The following PRCC variants were observed in gnomAD, a reference collection of about 807,000 sequenced individuals.
PRCC encodes proline-rich protein PRCC.
A neutral mutation model predicts 44.0 loss-of-function variants in PRCC; 10 were observed. The ratio of observed to expected loss-of-function variants is 0.23; its 90% confidence interval spans 0.14 to 0.39. The LOEUF (loss-of-function observed/expected upper bound fraction) is 0.39. PRCC is among the 10% of genes least tolerant of loss of function. PRCC has a pLI of 1.00. For synonymous variants in PRCC, 278 were observed against 259.5 expected (o/e 1.07, Z -0.69); for missense variants, 573 against 624.7 (o/e 0.92, Z 0.88).
At chr1:156,774,876 G>A (rs992769972) in intron 1 of PRCC, among the ~76,000 whole-genome samples, 1 of 151,242 alleles carries the variant, frequency 6.6e-6, no homozygotes, top group Non-Finnish European at 1.5e-5. Context: ...GCTTGAACCC[G>A]GAAGGCAGAG....
intron 6 of PRCC, 89 bp downstream of exon 6, chr1:156,797,430 C>G: frequency 2.0e-6 from 3 of 1,500,014 alleles, no homozygotes; most frequent in Non-Finnish European, 2.8e-6. Context: ...AGCCCAGATG[C>G]TTATCTTTTA....
At chr1:156,782,459 C>T (rs1304706359) in intron 2 of PRCC, 130 bp downstream of exon 2, 11 of 832,820 alleles carry the variant, frequency 1.3e-5, no homozygotes, top group African/African-American at 8.6e-5. Context: ...TATTTAGGTT[C>T]GGCTTTGTTT....
chr1:156,792,053 CTTT>C (rs67388360), intron 4 of PRCC, among the ~76,000 whole-genome samples: 530 of 58,428 alleles, frequency 9.1e-3, no homozygotes, highest in Admixed American at 0.016. Flanking sequence ...TAGTCCCCTT[CTTT>C]TTTTTTTTTT....
chr1:156,779,693 GT>G (rs1018852955), intron 1 of PRCC, among the ~76,000 whole-genome samples: 29 of 151,872 alleles, frequency 1.9e-4, no homozygotes, highest in Non-Finnish European at 3.1e-4. Context: ...ATTTATTTCT[GT>G]TTTGTAAAAA....
Position 156,797,259 on chromosome 1 carries a change from G to C in PRCC, c.1324-17G>C. On this transcript the variant is annotated splice_polypyrimidine_tract_variant and intron_variant, in intron 5 of 6. Coordinates refer to ENST00000271526, the MANE Select transcript of PRCC (RefSeq NM_005973.5). ...TTTCATCCTGTGGATTAATGAATAT[G>C]TTTTCTTCTCTTGCAGAAGAAAGGT... is the stretch of plus-strand genomic sequence containing the variant. 1 of 1,614,010 alleles carries C rather than the reference G, an allele frequency of 6.2e-7. No individual in the cohort carries two copies. Among genetic ancestry groups the C allele is most frequent in the East Asian group, 2.2e-5 (1 of 44,892 alleles).
intron 1 of PRCC, among the ~76,000 whole-genome samples, chr1:156,779,997 T>G (rs539678965): frequency 6.6e-6 from 1 of 152,066 alleles, no homozygotes; most frequent in Non-Finnish European, 1.5e-5. Flanking sequence ...TTCAAGCAAT[T>G]CTTGTACCTC....
chr1:156,781,324 T>C (rs1418241540), intron 1 of PRCC, among the ~76,000 whole-genome samples: 2 of 152,188 alleles, frequency 1.3e-5, no homozygotes, highest in South Asian at 4.1e-4. Context: ...TTGTGAGATA[T>C]GAGAGCGAGT....
chr1:156,799,399 T>G (rs750129628), intron 6 of PRCC, among the ~76,000 whole-genome samples: 2 of 152,232 alleles, frequency 1.3e-5, no homozygotes, highest in African/African-American at 2.4e-5. Context: ...CAGCTCAAAC[T>G]CATGTTAAGG....
chr1:156,783,977 C>T (rs1323700870), intron 2 of PRCC, among the ~76,000 whole-genome samples: 18 of 149,472 alleles, frequency 1.2e-4, no homozygotes, highest in African/African-American at 3.4e-4. Context: ...GACGGAGTCT[C>T]GCTCTACCGC....
rs775400088 is a variant in PRCC, at chr1:156,800,465, C to G, written c.*5C>G. 2.5e-6 allele frequency: 4 copies of G among 1,614,004 alleles called. No individual in the cohort carries two copies. The highest frequency in any genetic ancestry group is 3.3e-5 in the Admixed American group (2 of 60,010). On this transcript the variant is annotated 3_prime_UTR_variant, in exon 7 of 7. Transcript: ENST00000271526. ...CAAGCCAAATATGGATTCTAGGGCT[C>G]TGGAACTGATTGCTCCCAGGATCTC...
chr1:156,777,961 G>A (rs188791516), intron 1 of PRCC, among the ~76,000 whole-genome samples: 2 of 152,224 alleles, frequency 1.3e-5, no homozygotes, highest in African/African-American at 4.8e-5. Context: ...GTATCTATAG[G>A]ATACAAGATG....
chr1:156,775,266 G>A (rs1047185947), intron 1 of PRCC, among the ~76,000 whole-genome samples: 4 of 152,008 alleles, frequency 2.6e-5, no homozygotes, highest in South Asian at 2.1e-4. Flanking sequence ...AATTGTTTTT[G>A]TGTGGAGATG....
intron 4 of PRCC, among the ~76,000 whole-genome samples, chr1:156,794,185 G>C (rs1193811867): frequency 6.6e-6 from 1 of 151,718 alleles, no homozygotes; most frequent in African/African-American, 2.4e-5. Flanking sequence ...TTGAACTCCC[G>C]ACCTCAGGTG....
Position 156,791,762 on chromosome 1 carries a change from C to A in PRCC, c.1149C>A (p.Ala383=), listed in dbSNP as rs1159455362. Residue 383 remains alanine, a synonymous_variant, in exon 4 of 7, where the codon GCC becomes GCA. Coordinates refer to ENST00000271526, the MANE Select transcript of PRCC (RefSeq NM_005973.5). ...DPALVPPQEI[A]PDASFIDDEA... ...CCCTGGTCCCCCCCCAGGAAATTGC[C>A]CCAGATGCCTCCTTCATCGATGACG... The A allele has an allele frequency of 3.1e-6, 5 of 1,613,900 alleles. No individual in the cohort carries two copies. Among genetic ancestry groups the A allele is most frequent in the African/African-American group, 1.3e-5 (1 of 74,950 alleles).
intron 2 of PRCC, among the ~76,000 whole-genome samples, chr1:156,784,628 C>A (rs562812262): frequency 6.6e-6 from 1 of 152,342 alleles, no homozygotes; most frequent in East Asian, 1.9e-4. Context: ...TGAACACACA[C>A]ACAGCAAGAA....
intron 2 of PRCC, among the ~76,000 whole-genome samples, chr1:156,784,516 G>A (rs1652163660): frequency 6.6e-6 from 1 of 152,226 alleles, no homozygotes; most frequent in South Asian, 2.1e-4. Flanking sequence ...TATGTGACAA[G>A]TCAGACACTT....
intron 1 of PRCC, among the ~76,000 whole-genome samples, chr1:156,774,071 A>C (rs554049571): frequency 1.3e-5 from 2 of 150,556 alleles, no homozygotes; most frequent in African/African-American, 4.9e-5. Flanking sequence ...TGGAAAGTGG[A>C]ATAGCAGTTA....
Position 156,800,720 on chromosome 1 carries a change from C to A in PRCC, c.*260C>A. On this transcript the variant is annotated 3_prime_UTR_variant, in exon 7 of 7. Transcript: ENST00000271526. Reference sequence around the variant, plus strand: ...AGTTCTGGGGTGGGAGTTTTGCTCTCTGTCAGGTGTGATAAAATGTTGAAC... The same window carrying A: ...AGTTCTGGGGTGGGAGTTTTGCTCTATGTCAGGTGTGATAAAATGTTGAAC... The A allele has an allele frequency of 2.5e-6, 1 of 393,474 alleles. No individual in the cohort carries two copies. The highest frequency in any genetic ancestry group is 4.6e-6 in the Non-Finnish European group (1 of 215,508). 24.4% of individuals were successfully genotyped at this position (393,474 alleles called of 1,614,324 possible). A position where few individuals can be genotyped will look rare whatever the true frequency, so the allele number is the denominator to read the frequency against.
intron 1 of PRCC, among the ~76,000 whole-genome samples, chr1:156,774,255 A>G (rs1369383862): frequency 7.7e-6 from 1 of 129,396 alleles, no homozygotes; most frequent in Non-Finnish European, 1.5e-5. Context: ...GGCTCACTGC[A>G]ACCTCCGCCT....
Sources: allele counts gnomAD v4.1 joint callset (sites outside exome capture counted in the v4.1 genomes callset), GRCh38; gene constraint gnomAD v4.1.1; transcripts MANE v1.5; gene names NCBI Gene and HGNC (gene_info 2026-07-23, HGNC 2026-07-21).